The following MAX variants were observed in gnomAD, a reference collection of about 807,000 sequenced individuals.
MAX encodes MYC associated transcriptional regulator X.
A neutral mutation model predicts 22.3 loss-of-function variants in MAX; 3 were observed. The ratio of observed to expected loss-of-function variants is 0.13; its 90% CI spans 0.06 to 0.35. The LOEUF is 0.35. Ranked by LOEUF, MAX falls within the 10% of genes least tolerant of loss-of-function variation. The pLI is 1.00. For missense variants in MAX, 119 were observed against 209.4 expected, an observed-to-expected ratio of 0.57 and a Z score of 2.66; for synonymous variants, 72 against 77.7, an observed-to-expected ratio of 0.93 and a Z score of 0.39.
chr14:65,019,113 C>T (rs1159872361), intron 3 of MAX, among the ~76,000 whole-genome samples: 1 of 152,090 alleles, frequency 6.6e-6, no homozygotes, highest in Non-Finnish European at 1.5e-5. Context: ...GCGGAGGTTG[C>T]GGTGAGCCAA....
At chr14:65,097,741 G>C (rs958544056) in intron 2 of MAX, among the ~76,000 whole-genome samples, 4 of 152,106 alleles carry the variant, frequency 2.6e-5, no homozygotes, top group Admixed American at 2.6e-4. Context: ...TGATAGATAA[G>C]AACAAGATAG....
chr14:65,064,080 G>A (rs1412845341), intron 3 of MAX, among the ~76,000 whole-genome samples: 4 of 152,118 alleles, frequency 2.6e-5, no homozygotes, highest in African/African-American at 2.4e-5. Context: ...GAACCTCATG[G>A]ATAATCAGGG....
At chr14:65,015,511 G>A in intron 3 of MAX, 1 of 883,762 alleles carries the variant, frequency 1.1e-6, no homozygotes. Flanking sequence ...GTTTGAGCAA[G>A]GGTGCCCTCC....
Position 65,102,383 on chromosome 14 carries a change from G to A in MAX, c.-44C>T, listed in dbSNP as rs748480738. On this transcript the variant is annotated 5_prime_UTR_variant, in exon 1 of 5. Coordinates refer to ENST00000358664, the MANE Select transcript of MAX (RefSeq NM_002382.5). ...CGGCCACTGCAGCGGCGGCGGGGAG[G>A]GGAAGGGGTGAAGGGGAGGGGGAAG... 6 of 1,607,222 alleles carry A rather than the reference G, an allele frequency of 3.7e-6. No homozygotes were observed. Among genetic ancestry groups the A allele is most frequent in the South Asian group, 1.1e-5 (1 of 90,042 alleles).
exon 4 of MAX, chr14:65,006,199 T>C (rs1294016887): frequency 6.2e-7 from 1 of 1,613,774 alleles, no homozygotes; most frequent in East Asian, 2.2e-5. Flanking sequence ...AGAAACTTTT[T>C]CTGATTAGCC....
Position 65,093,814 on chromosome 14 carries a change from G to A in MAX, c.65C>T (p.Ala22Val), listed in dbSNP as rs1420088914. ...TGCATTATGATGAGCCCGTTTGTCA[G>A]CCTAGAAGAATGGGAGAAAGAACAC... ...DEEQPRFQSAADKRAHHNALE... is the reference protein window; with the variant it reads ...DEEQPRFQSAVDKRAHHNALE... The change falls in exon 3 of 5, where the codon GCT becomes GTT. Residue 22 changes from alanine (A) to valine (V), a missense_variant and splice_region_variant. Physicochemically the swap from Ala to Val is moderately conservative, Grantham distance 64. Coordinates refer to ENST00000358664, the MANE Select transcript of MAX (RefSeq NM_002382.5). This position sits in a 1 kb window ranked among gnomAD's most constrained non-coding sequence, Gnocchi z 4.4. The A allele has an allele frequency of 1.3e-6, 2 of 1,554,484 alleles. No homozygotes were observed. Among genetic ancestry groups the A allele is most frequent in the Non-Finnish European group, 1.8e-6 (2 of 1,125,628 alleles).
chr14:65,099,701 GAA>G (rs33995031), intron 2 of MAX, among the ~76,000 whole-genome samples: 16,100 of 150,914 alleles, frequency 0.11, 1,974 homozygotes, highest in African/African-American at 0.29. Context: ...GACTTGCAGG[GAA>G]AAAAAAAGTT....
At chr14:65,024,357 T>C (rs2061942690) in intron 3 of MAX, among the ~76,000 whole-genome samples, 1 of 152,178 alleles carries the variant, frequency 6.6e-6, no homozygotes, top group East Asian at 1.9e-4. Context: ...CAAGTAATTT[T>C]AGTTGTGCAG....
intron 3 of MAX, among the ~76,000 whole-genome samples, chr14:65,010,680 C>T (rs1467679300): frequency 2.6e-5 from 4 of 152,216 alleles, no homozygotes; most frequent in African/African-American, 7.2e-5. Flanking sequence ...CAAAAACCTT[C>T]AGGACTTCCC....
intron 2 of MAX, among the ~76,000 whole-genome samples, chr14:65,097,126 C>T (rs1043923304): frequency 6.6e-6 from 1 of 152,206 alleles, no homozygotes; most frequent in Non-Finnish European, 1.5e-5. Flanking sequence ...TATATTTCTA[C>T]CCAACTTTCC....
At chr14:65,025,775 C>T (rs574727622) in intron 3 of MAX, among the ~76,000 whole-genome samples, 15 of 152,294 alleles carry the variant, frequency 9.8e-5, no homozygotes, top group African/African-American at 1.4e-4. Flanking sequence ...GTGATTATGC[C>T]GCTGTCCTGC....
At position 65,069,768 on chromosome 14, in the gene MAX, T is replaced by C. The variant is rs1341308024; in HGVS notation, c.171+23940A>G. On this transcript the variant is annotated intron_variant, in intron 3 of 3. Coordinates refer to the MAX transcript ENST00000341653. The surrounding 1 kb of genome is among the most constrained non-coding windows in gnomAD (Gnocchi z 4.6). ...CCACTGACTCTGTGGGGGCTCCCAG[T>C]TGGAAATACTTGCTCACCACCACTC... 6.6e-6 allele frequency among the ~76,000 whole-genome samples: 1 copy of C among 152,134 alleles called. No homozygotes were observed. The highest frequency in any genetic ancestry group is 1.5e-5 in the Non-Finnish European group (1 of 68,024).
At position 65,029,241 on chromosome 14, in the gene MAX, GC is replaced by G. The variant is rs2062037032; in HGVS notation, c.172-22958del. 6.6e-6 allele frequency among the ~76,000 whole-genome samples: 1 copy of G among 152,130 alleles called. No homozygotes were observed. The highest frequency in any genetic ancestry group is 1.5e-5 in the Non-Finnish European group (1 of 68,004). ...AGATTGCATCCATTTTCCTTGCTTT[GC>G]CTGGTTTCTAGTACCCCGATTCCAT... On this transcript the variant is annotated intron_variant, in intron 3 of 3. Transcript: ENST00000341653. The surrounding 1 kb of genome is among the most constrained non-coding windows in gnomAD (Gnocchi z 4.7).
chr14:65,024,607 A>G (rs1393979279), intron 3 of MAX, among the ~76,000 whole-genome samples: 1 of 152,226 alleles, frequency 6.6e-6, no homozygotes, highest in African/African-American at 2.4e-5. Flanking sequence ...CTGACGTTAA[A>G]GAAAATTGAT....
In MAX at chr14:65,027,679, C is replaced by T. The variant is rs373906285; in HGVS notation, c.172-21395G>A. The T allele has an allele frequency of 9.9e-5, 160 of 1,614,114 alleles. 3 individuals are homozygous for T. In the South Asian group the frequency reaches 1.6e-3, roughly 16 times the overall value. ...ACGCACTGACTGTTGCCTCTCCTACCTCTTTCCCTGTTTCTCAGAGAGAAG... is the reference window on the plus strand; with the variant it reads ...ACGCACTGACTGTTGCCTCTCCTACTTCTTTCCCTGTTTCTCAGAGAGAAG... On this transcript the variant is annotated intron_variant, in intron 3 of 3. Transcript: ENST00000341653. The surrounding 1 kb of genome is among the most constrained non-coding windows in gnomAD (Gnocchi z 5.7).
At chr14:65,101,670 G>A (rs2139967188) in intron 1 of MAX, 98 bp from the exon 2 acceptor site, 3 of 905,030 alleles carry the variant, frequency 3.3e-6, no homozygotes, top group Non-Finnish European at 5.3e-6. Context: ...CAGAGGAAGC[G>A]GAGGGTGGGG....
chr14:65,102,256 G>C (rs777160718), intron 1 of MAX, 48 bp downstream of exon 1: 1 of 1,611,478 alleles, frequency 6.2e-7, no homozygotes, highest in African/African-American at 1.3e-5. Flanking sequence ...CCCGGCCGCT[G>C]TCCCCGCCTG....
intron 3 of MAX, among the ~76,000 whole-genome samples, chr14:65,035,298 G>T (rs1308333413): frequency 6.6e-6 from 1 of 152,166 alleles, no homozygotes; most frequent in Non-Finnish European, 1.5e-5. Context: ...CTAACTGCAT[G>T]CTGTTCTCTG....
Position 65,012,460 on chromosome 14 carries a change from G to GT in MAX, c.172-6177dup, listed in dbSNP as rs1408282774. ...ATCCTCCTCCTTTTTCTATTTAAAC[G>GT]TAAAAGACTGTTGGGGCTGACCTGT... On this transcript the variant is annotated intron_variant, in intron 3 of 3. Transcript: ENST00000341653. This position sits in a 1 kb window ranked among gnomAD's most constrained non-coding sequence, Gnocchi z 5.0. 1 of 1,587,866 alleles carries GT rather than the reference G, an allele frequency of 6.3e-7. No individual in the cohort carries two copies. The highest frequency in any genetic ancestry group is 8.6e-7 in the Non-Finnish European group (1 of 1,161,298).
Sources: gnomAD v4.1 joint callset for allele counts (sites outside exome capture counted in the v4.1 genomes callset) on GRCh38, gnomAD v4.1.1 for gene constraint, Gnocchi (gnomAD v3.1) non-coding constraint, MANE v1.5 for transcripts, NCBI Gene and HGNC (gene_info 2026-07-23, HGNC 2026-07-21) for gene names.